The following MAN1C1 variants were observed in gnomAD, a reference collection of about 807,000 sequenced individuals.
The protein encoded by MAN1C1 is mannosyl-oligosaccharide 1,2-alpha-mannosidase IC.
In MAN1C1, 49 loss-of-function variants were observed where a neutral mutation model predicts 71.5. The observed-to-expected ratio is 0.69, with a 90% confidence interval of 0.54 to 0.87. The LOEUF is 0.87. Ranked by LOEUF, MAN1C1 falls within the 40% of genes least tolerant of loss-of-function variation. The probability of loss-of-function intolerance (pLI) is 0.00; values close to 1 mark genes in which losing one functional copy is unlikely to be tolerated. For missense variants in MAN1C1, 743 were observed against 835.0 expected (o/e 0.89, Z 1.36); for synonymous variants, 352 against 343.7 (o/e 1.02, Z -0.27).
At chr1:25,645,814 C>T (rs1421022909) in intron 1 of MAN1C1, 6 of 152,346 alleles carry the variant, frequency 3.9e-5, no homozygotes, top group African/African-American at 1.2e-4. Flanking sequence ...CCACCAGAGC[C>T]GCCCTGCTTC....
chr1:25,712,893 G>A (rs1411819151), intron 2 of MAN1C1, among the ~76,000 whole-genome samples: 13 of 152,338 alleles, frequency 8.5e-5, no homozygotes, highest in Non-Finnish European at 7.3e-5. Context: ...GGAATGGAAT[G>A]AAATTTACCA....
chr1:25,653,964 T>G (rs3767902), intron 1 of MAN1C1, among the ~76,000 whole-genome samples: 13,585 of 152,128 alleles, frequency 0.089, 1,323 homozygotes, highest in East Asian at 0.22. Context: ...GGGAAGCTGA[T>G]AACCAAAGGA....
In MAN1C1 at chr1:25,618,121, G is replaced by T. The variant is rs774226784; in HGVS notation, c.324G>T (p.Gly108=). ...CCAGTCCCCGCCGCAGGAAAGGGGGGCTGCGGCGCACCCGCCCCACTGGAC... is the reference window on the plus strand; with the variant it reads ...CCAGTCCCCGCCGCAGGAAAGGGGGTCTGCGGCGCACCCGCCCCACTGGAC... ...SWASPRRRKG[G]LRRTRPTGPR... The change falls in exon 1 of 12, where the codon GGG becomes GGT. Residue 108 remains glycine (G), a synonymous_variant. Coordinates refer to ENST00000374332, the MANE Select transcript of MAN1C1 (RefSeq NM_020379.4). 145 of 1,514,928 alleles carry T rather than the reference G, an allele frequency of 9.6e-5. No individual in the cohort carries two copies. Among genetic ancestry groups the T allele is most frequent in the Non-Finnish European group, 1.1e-4 (122 of 1,139,646 alleles). 93.8% of individuals were successfully genotyped at this position (1,514,928 alleles called of 1,614,324 possible). A position where few individuals can be genotyped will look rare whatever the true frequency, so the allele number is the denominator to read the frequency against.
intron 1 of MAN1C1, among the ~76,000 whole-genome samples, chr1:25,648,243 G>A (rs2045643440): frequency 6.6e-6 from 1 of 152,252 alleles, no homozygotes; most frequent in Non-Finnish European, 1.5e-5. Context: ...GACAGATTGA[G>A]CTTTAGAAAA....
At chr1:25,675,207 T>C (rs1297077125) in intron 1 of MAN1C1, among the ~76,000 whole-genome samples, 5 of 152,166 alleles carry the variant, frequency 3.3e-5, no homozygotes, top group Non-Finnish European at 2.9e-5. Context: ...CTGTACCCAA[T>C]ATGTAGACTT....
chr1:25,760,041 A>G (rs979579215), intron 6 of MAN1C1: 2 of 151,388 alleles, frequency 1.3e-5, no homozygotes, highest in African/African-American at 4.9e-5. Flanking sequence ...CCATCCCCCA[A>G]CCTCCCTGTT....
intron 1 of MAN1C1, among the ~76,000 whole-genome samples, chr1:25,680,521 G>A (rs1468401681): frequency 6.6e-6 from 1 of 152,150 alleles, no homozygotes; most frequent in African/African-American, 2.4e-5. Context: ...CTGCTCGGAT[G>A]GATTTGCTTA....
At chr1:25,758,238 TC>T (rs1296034768) in intron 5 of MAN1C1, among the ~76,000 whole-genome samples, 1 of 152,196 alleles carries the variant, frequency 6.6e-6, no homozygotes, top group Non-Finnish European at 1.5e-5. Context: ...AACCGGGTGT[TC>T]TGTGGGGTCT....
chr1:25,733,056 A>G (rs2046931241), intron 2 of MAN1C1, among the ~76,000 whole-genome samples: 1 of 152,190 alleles, frequency 6.6e-6, no homozygotes, highest in South Asian at 2.1e-4. Context: ...AGGCTCCCCC[A>G]GGAGCTGAGG....
At chr1:25,771,890 C>T in intron 8 of MAN1C1, 118 bp downstream of exon 8, 1 of 716,952 alleles carries the variant, frequency 1.4e-6, no homozygotes. Context: ...CTCCCACCCC[C>T]TGCAATGAAC....
chr1:25,618,791 C>G (rs149809999), intron 1 of MAN1C1, among the ~76,000 whole-genome samples: 1 of 152,210 alleles, frequency 6.6e-6, no homozygotes, highest in East Asian at 1.9e-4. Flanking sequence ...CCTATAGGAC[C>G]TGCTTACCTA....
intron 1 of MAN1C1, among the ~76,000 whole-genome samples, chr1:25,667,484 CAAAAAAA>C (rs756375842): frequency 9.3e-4 from 46 of 49,316 alleles, no homozygotes; most frequent in Admixed American, 2.5e-3. Flanking sequence ...GACTCCATCT[CAAAAAAA>C]AAAAAAAAAA....
rs549286400 is a variant in MAN1C1 at position 25,663,380 on chromosome 1, C to T, written c.541-23060C>T. On this transcript the variant is annotated intron_variant, in intron 1 of 11. Transcript: ENST00000374332. ...GACCCCCAGTGGATGCCTGAAACTT[C>T]GGATAGTACTGAACCTTATATATAC... Among the ~76,000 whole-genome samples, 29 of 152,042 alleles carry T rather than the reference C, an allele frequency of 1.9e-4. No homozygotes were observed. The East Asian group carries it at 2.3e-3, about 12-fold the overall frequency.
chr1:25,768,473 C>T (rs1244254538), intron 7 of MAN1C1, among the ~76,000 whole-genome samples: 1 of 119,418 alleles, frequency 8.4e-6, no homozygotes, highest in Non-Finnish European at 1.8e-5. Flanking sequence ...CACACACACA[C>T]ATTACACACT....
chr1:25,707,889 A>G (rs1014308404), intron 2 of MAN1C1, among the ~76,000 whole-genome samples: 1 of 152,152 alleles, frequency 6.6e-6, no homozygotes, highest in Non-Finnish European at 1.5e-5. Flanking sequence ...TGGGGCAAGG[A>G]TTGTGGCTTC....
intron 2 of MAN1C1, among the ~76,000 whole-genome samples, chr1:25,745,007 G>T (rs912580859): frequency 1.3e-5 from 2 of 152,244 alleles, no homozygotes; most frequent in African/African-American, 2.4e-5. Flanking sequence ...GTTGTAAGGA[G>T]TTGATGGGAG....
intron 1 of MAN1C1, among the ~76,000 whole-genome samples, chr1:25,671,827 G>A (rs1163550203): frequency 1.3e-5 from 2 of 152,212 alleles, no homozygotes; most frequent in Non-Finnish European, 2.9e-5. Flanking sequence ...TAAAATGCAG[G>A]TGTTGGCCAG....
intron 1 of MAN1C1, among the ~76,000 whole-genome samples, chr1:25,683,423 A>G (rs964849394): frequency 1.5e-4 from 23 of 152,214 alleles, no homozygotes; most frequent in Non-Finnish European, 5.9e-5. Context: ...CAATTCAGCA[A>G]ATACTTAACA....
intron 2 of MAN1C1, among the ~76,000 whole-genome samples, chr1:25,723,355 C>T (rs2046791749): frequency 6.6e-6 from 1 of 152,244 alleles, no homozygotes; most frequent in Admixed American, 6.5e-5. Context: ...ACAAGCCCTC[C>T]TCTTATTTCA....
Sources: gnomAD v4.1 joint callset for allele counts (sites outside exome capture counted in the v4.1 genomes callset) on GRCh38, gnomAD v4.1.1 for gene constraint, MANE v1.5 for transcripts, NCBI Gene and HGNC (gene_info 2026-07-23, HGNC 2026-07-21) for gene names.